Variants in ARID1B observed in about 807,000 individuals in gnomAD.
ARID1B encodes the protein AT-rich interactive domain-containing protein 1B.
A neutral mutation model predicts 212.3 loss-of-function variants in ARID1B; 30 were observed. The observed-to-expected ratio is 0.14, with a 90% CI of 0.11 to 0.19. The LOEUF (loss-of-function observed/expected upper bound fraction) is 0.19, where lower values mean the gene tolerates loss of function less well. ARID1B is among the 10% of genes least tolerant of loss of function. The pLI is 1.00. For missense variants in ARID1B, 2,891 were observed against 3,204.0 expected (o/e 0.90, Z 2.36); for synonymous variants, 1,402 against 1,301.7 (o/e 1.08, Z -1.66).
At chr6:157,145,235 G>A (rs760566664) in intron 7 of ARID1B, among the ~76,000 whole-genome samples, 4 of 152,140 alleles carry the variant, frequency 2.6e-5, no homozygotes, top group Non-Finnish European at 5.9e-5. Flanking sequence ...TCCCAAGACC[G>A]GTCTGTATCA....
chr6:156,900,333 T>G (rs1004706389), intron 2 of ARID1B, among the ~76,000 whole-genome samples: 20 of 152,248 alleles, frequency 1.3e-4, no homozygotes, highest in Middle Eastern at 3.2e-3. Context: ...TGCTGATTTT[T>G]CTTAGAGGCT....
At chr6:157,173,963 G>A (rs762136527) in intron 9 of ARID1B, 45 bp from the exon 10 acceptor site, 29 of 1,534,566 alleles carry the variant, frequency 1.9e-5, no homozygotes, top group Middle Eastern at 1.7e-4. Context: ...ACAGTCTGAC[G>A]AATCACACAT....
rs528096493 is a variant in ARID1B at position 157,130,661 on chromosome 6, A to G, written c.2582-2367A>G. Among the ~76,000 whole-genome samples the G allele has an allele frequency of 1.1e-3, 175 of 152,296 alleles. 1 individual carries two copies. The highest frequency in any genetic ancestry group is 4.0e-3 in the African/African-American group (166 of 41,558). On this transcript the variant is annotated intron_variant, in intron 6 of 19. Coordinates refer to ENST00000636930, the MANE Select transcript of ARID1B (RefSeq NM_001374828.1). ...CTTTAAACAGAAGCAATGTTAGACT[A>G]TATCTCTTTTTTTAATTGAAATGTA...
At chr6:156,879,259 T>C (rs934959537) in intron 2 of ARID1B, among the ~76,000 whole-genome samples, 56 of 152,382 alleles carry the variant, frequency 3.7e-4, no homozygotes, top group Non-Finnish European at 8.8e-5. Context: ...TGTTGTTTAA[T>C]GTTGAACATC....
At chr6:157,145,287 T>A (rs1789644209) in intron 7 of ARID1B, among the ~76,000 whole-genome samples, 1 of 152,196 alleles carries the variant, frequency 6.6e-6, no homozygotes, top group African/African-American at 2.4e-5. Flanking sequence ...ACTACCTGTT[T>A]TTGTAAATAA....
intron 2 of ARID1B, among the ~76,000 whole-genome samples, chr6:156,898,699 C>T (rs1046490925): frequency 5.3e-5 from 8 of 152,172 alleles, no homozygotes; most frequent in South Asian, 2.1e-4. Context: ...AAGCAGGGTG[C>T]GGTGACTCAC....
chr6:156,863,806 T>A (rs901253823), intron 2 of ARID1B, among the ~76,000 whole-genome samples: 16 of 152,192 alleles, frequency 1.1e-4, no homozygotes, highest in African/African-American at 3.6e-4. Context: ...AATTCTTCCC[T>A]GTATGATGCT....
Position 157,200,997 on chromosome 6 carries a change from G to A in ARID1B, c.4772G>A (p.Arg1591His), listed in dbSNP as rs780970034. ...EGPQQNMWAA[R>H]NDMPYPYQNR... ...CCTCAGCAGAATATGTGGGCAGCAC[G>A]CAATGATATGCCTTATCCCTACCAG... Residue 1591 changes from arginine (R) to histidine (H), a missense_variant, in exon 18 of 20, where the codon CGC (arginine) becomes CAC (histidine). Arg to His is a conservative substitution (Grantham distance 29, BLOSUM62 0). Transcript: ENST00000636930. The surrounding 1 kb of genome is among the most constrained non-coding windows in gnomAD (Gnocchi z 4.3). 2.5e-6 allele frequency: 4 copies of A among 1,614,010 alleles called. No individual in the cohort carries two copies. Among genetic ancestry groups the A allele is most frequent in the Non-Finnish European group, 1.7e-6 (2 of 1,179,998 alleles).
At position 157,175,041 on chromosome 6, in the gene ARID1B, T is replaced by C. The variant is rs762717264; in HGVS notation, c.3504+36T>C. 20 of 1,338,814 alleles carry C rather than the reference T, an allele frequency of 1.5e-5. No homozygotes were observed. In the Admixed American group the frequency reaches 2.7e-4, roughly 18 times the overall value. 82.9% of individuals were successfully genotyped at this position (1,338,814 alleles called of 1,614,324 possible). On this transcript the variant is annotated intron_variant, in intron 11 of 19. Transcript: ENST00000636930. ...CTGGTTTTTTTTTGTTTTTTTTGTT[T>C]TTTGTTTTTTTGGGGTTTTTTGATA...
chr6:156,958,282 A>G (rs1794113840), intron 4 of ARID1B, among the ~76,000 whole-genome samples: 1 of 151,794 alleles, frequency 6.6e-6, no homozygotes, highest in Non-Finnish European at 1.5e-5. Flanking sequence ...TGTTCCCCCT[A>G]CCCCCTTTAA....
chr6:156,780,542 A>T (rs1302046745), intron 1 of ARID1B: 1 of 152,216 alleles, frequency 6.6e-6, no homozygotes, highest in Non-Finnish European at 1.5e-5. Flanking sequence ...GTTGACATCT[A>T]ATCTGCCATC....
At chr6:156,932,147 G>GC (rs1554270217) in intron 3 of ARID1B, among the ~76,000 whole-genome samples, 8 of 135,736 alleles carry the variant, frequency 5.9e-5, no homozygotes, top group Non-Finnish European at 1.1e-4. Flanking sequence ...AAAAAAAAAG[G>GC]GGGGGGGCGG....
intron 4 of ARID1B, among the ~76,000 whole-genome samples, chr6:156,969,610 G>A (rs1776780915): frequency 6.6e-6 from 1 of 152,210 alleles, no homozygotes; most frequent in African/African-American, 2.4e-5. Flanking sequence ...TCTAATATCT[G>A]TAGTTACCCA....
At chr6:156,976,624 C>T (rs1312204782) in intron 4 of ARID1B, among the ~76,000 whole-genome samples, 1 of 152,170 alleles carries the variant, frequency 6.6e-6, no homozygotes, top group Non-Finnish European at 1.5e-5. Flanking sequence ...CCAGCAACGG[C>T]AACCCTTCTG....
rs575269726 is a variant in ARID1B, at chr6:157,032,825, A to C, written c.2248-51837A>C. Among the ~76,000 whole-genome samples the C allele has an allele frequency of 8.5e-4, 130 of 152,192 alleles. 1 individual carries two copies. The highest frequency in any genetic ancestry group is 1.6e-3 in the Non-Finnish European group (108 of 67,980). On this transcript the variant is annotated intron_variant, in intron 4 of 19. Transcript: ENST00000636930. ...TACATCAAGTATATGACTCACCCCC[A>C]CCTTTTTTAAAAAAAACTGATGGTA...
chr6:156,868,536 TTTCCTGG>T (rs1785877535), intron 2 of ARID1B, among the ~76,000 whole-genome samples: 1 of 152,110 alleles, frequency 6.6e-6, no homozygotes, highest in African/African-American at 2.4e-5. Flanking sequence ...CGAGGGCCTG[TTTCCTGG>T]TTCCGGGACT....
chr6:157,149,222 G>A (rs1790025015), intron 8 of ARID1B: 2 of 444,178 alleles, frequency 4.5e-6, no homozygotes, highest in Non-Finnish European at 4.1e-6. Context: ...AATAGTCATT[G>A]CAGCAGCAAA....
chr6:156,858,743 TGG>T (rs1197162928), intron 2 of ARID1B, among the ~76,000 whole-genome samples: 1 of 152,162 alleles, frequency 6.6e-6, no homozygotes, highest in African/African-American at 2.4e-5. Flanking sequence ...CACTCCAGCC[TGG>T]GTAACACAGT....
In ARID1B at chr6:157,196,264, T is replaced by G. The variant is rs751015296; in HGVS notation, c.4331T>G (p.Leu1444Arg). ...NQSPSGAMSN[L>R]GMGQRQQFPY... The stretch of plus-strand genomic sequence containing the variant: ...AGTCCCTCCGGAGCAATGTCTAACC[T>G]GGGCATGGGGCAGCGCCAGCAGTTT... The change falls in exon 16 of 20, where the codon CTG (leucine) becomes CGG (arginine). Residue 1444 changes from leucine (L) to arginine (R), a missense_variant. Physicochemically the swap from Leu to Arg is moderately radical, Grantham distance 102. Coordinates refer to ENST00000636930, the MANE Select transcript of ARID1B (RefSeq NM_001374828.1). The G allele has an allele frequency of 6.8e-6, 11 of 1,611,732 alleles. No individual in the cohort carries two copies. The highest frequency in any genetic ancestry group is 9.3e-6 in the Non-Finnish European group (11 of 1,179,450).
Sources: allele counts gnomAD v4.1 joint callset (sites outside exome capture counted in the v4.1 genomes callset), GRCh38; gene constraint gnomAD v4.1.1; non-coding constraint Gnocchi (gnomAD v3.1); transcripts MANE v1.5; gene names NCBI Gene and HGNC (gene_info 2026-07-23, HGNC 2026-07-21).